MIP: variants seen among roughly 807,000 people sequenced by gnomAD.
MIP encodes the protein lens fiber major intrinsic protein.
A neutral mutation model predicts 21.8 loss-of-function variants in MIP; 14 were observed. The observed-to-expected ratio is 0.64, with a 90% CI of 0.42 to 1.00. MIP has a LOEUF of 1.00. Among genes scored for constraint, MIP ranks in the 50% least tolerant of loss-of-function variants. The pLI is 0.00. For missense variants in MIP, 260 were observed against 333.5 expected (o/e 0.78, Z 1.72); for synonymous variants, 133 against 141.4 (o/e 0.94, Z 0.42).
Position 56,449,593 on chromosome 12 carries a change from A to G in MIP, c.*1687T>C, listed in dbSNP as rs1565692689. ...ATTATAGTAGAATCAAAGTCCGATT[A>G]GAGGTGAATTTACAAACATTCTTCC... On this transcript the variant is annotated 3_prime_UTR_variant, in exon 4 of 4. Coordinates refer to ENST00000652304, the MANE Select transcript of MIP (RefSeq NM_012064.4). 6.6e-6 allele frequency: 1 copy of G among 152,296 alleles called. No homozygotes were observed. The highest frequency in any genetic ancestry group is 2.4e-5 in the African/African-American group (1 of 41,476). 9.4% of individuals were successfully genotyped at this position (152,296 alleles called of 1,614,324 possible).
chr12:56,456,178 C>T (rs1169724640), upstream of MIP, among the ~76,000 whole-genome samples: 1 of 152,182 alleles, frequency 6.6e-6, no homozygotes, highest in East Asian at 1.9e-4. Flanking sequence ...CCCAGTAATG[C>T]TCCCAGATCC....
At chr12:56,453,290 C>T (rs1279311640) in intron 2 of MIP, 138 bp from the exon 3 acceptor site, 7 of 762,450 alleles carry the variant, frequency 9.2e-6, no homozygotes, top group Non-Finnish European at 1.6e-5. Context: ...GCATGACTCT[C>T]CAGGGGTTCC....
intron 3 of MIP, among the ~76,000 whole-genome samples, chr12:56,451,798 C>T (rs182339074): frequency 3.3e-5 from 5 of 152,146 alleles, no homozygotes; most frequent in East Asian, 3.9e-4. Flanking sequence ...GAGGCTGAGA[C>T]GGGCGGATCA....
rs1458039649 is a variant in MIP at position 56,453,642 on chromosome 12, G to T, written c.474C>A (p.Gly158=). ...AGAAGCCAACGGCCAGGGCCACGGA[G>T]CCCAGTTGGCCATTCCGCCTCTCGT... is the stretch of plus-strand genomic sequence containing the variant. ...TYDERRNGQL[G]SVALAVGFSL... is the part of the protein sequence containing the mutation. Residue 158 remains glycine, a synonymous_variant, in exon 2 of 4, where the codon GGC becomes GGA. Transcript: ENST00000652304. 7 of 1,614,256 alleles carry T rather than the reference G, an allele frequency of 4.3e-6. No homozygotes were observed. The highest frequency in any genetic ancestry group is 5.9e-6 in the Non-Finnish European group (7 of 1,180,052).
In MIP at chr12:56,453,723, G is replaced by A. The variant is rs1395845125; in HGVS notation, c.393C>T (p.Thr131=). 1 of 1,614,148 alleles carries A rather than the reference G, an allele frequency of 6.2e-7. No homozygotes were observed. The highest frequency in any genetic ancestry group is 1.1e-5 in the South Asian group (1 of 91,076). ...GGAGCGTCAGGAAGATCTCCACTGTGGTTGCCTGGCCCACGCTCACCGCAG... is the reference window on the plus strand; with the variant it reads ...GGAGCGTCAGGAAGATCTCCACTGTAGTTGCCTGGCCCACGCTCACCGCAG... The part of the protein sequence containing the change: ...LHPAVSVGQA[T]TVEIFLTLQF... The change falls in exon 2 of 4, where the codon ACC becomes ACT. Residue 131 remains threonine, a synonymous_variant. Coordinates refer to ENST00000652304, the MANE Select transcript of MIP (RefSeq NM_012064.4).
upstream of MIP, among the ~76,000 whole-genome samples, chr12:56,454,818 C>A (rs1225225054): frequency 1.3e-5 from 2 of 152,086 alleles, no homozygotes; most frequent in Admixed American, 6.5e-5. Context: ...CCTTTCTCAA[C>A]TGGGAGATGA....
chr12:56,454,210 A>G (rs1868718789), intron 1 of MIP, 44 bp downstream of exon 1: 2 of 1,613,590 alleles, frequency 1.2e-6, no homozygotes, highest in East Asian at 2.2e-5. Flanking sequence ...GGCAATAGAG[A>G]GACAGGACAC....
chr12:56,454,336 T>C lies in MIP; in HGVS notation c.278A>G (p.Gln93Arg). Reference sequence around the variant, plus strand: ...GGCCCCAGCCACAGCTCCCAGGAGCTGGGCTGCCATATAGCAGAAGGCACG... The same window carrying C: ...GGCCCCAGCCACAGCTCCCAGGAGCCGGGCTGCCATATAGCAGAAGGCACG... Reference protein sequence around the residue: ...LLRAFCYMAAQLLGAVAGAAV... With the variant: ...LLRAFCYMAARLLGAVAGAAV... Residue 93 changes from glutamine (Q) to arginine (R), a missense_variant, in exon 1 of 4, where the codon CAG (glutamine) becomes CGG (arginine). Coordinates refer to ENST00000652304, the MANE Select transcript of MIP (RefSeq NM_012064.4). The C allele has an allele frequency of 6.2e-7, 1 of 1,613,526 alleles. No individual in the cohort carries two copies. The highest frequency in any genetic ancestry group is 8.5e-7 in the Non-Finnish European group (1 of 1,179,936).
chr12:56,453,548 C>T, intron 2 of MIP, 43 bp downstream of exon 2: 1 of 1,612,564 alleles, frequency 6.2e-7, no homozygotes. Context: ...GGTTTAGGGG[C>T]CCCGGAATCC....
In MIP at chr12:56,454,390, A is replaced by G. The variant is rs1868728915; in HGVS notation, c.224T>C (p.Phe75Ser). ...AHVNPAVTFA[F>S]LVGSQMSLLR... ...CAGGGACATCTGGGAGCCCACAAGG[A>G]AAGCAAAAGTGACTGCAGGATTGAC... is the stretch of plus-strand genomic sequence containing the variant. Residue 75 changes from phenylalanine to serine, a missense_variant, in exon 1 of 4, where the codon TTC becomes TCC. By Grantham distance (155) the Phe-to-Ser change is radical. Coordinates refer to ENST00000652304, the MANE Select transcript of MIP (RefSeq NM_012064.4). 1.2e-6 allele frequency: 2 copies of G among 1,614,032 alleles called. No individual in the cohort carries two copies. The highest frequency in any genetic ancestry group is 1.7e-6 in the Non-Finnish European group (2 of 1,180,042).
chr12:56,454,980 A>G (rs1193945134), upstream of MIP, among the ~76,000 whole-genome samples: 2 of 152,032 alleles, frequency 1.3e-5, no homozygotes, highest in Non-Finnish European at 2.9e-5. Flanking sequence ...CAACATTAGA[A>G]TACTCTTCAG....
intron 3 of MIP, 70 bp from the exon 4 acceptor site, chr12:56,451,535 C>G: frequency 1.5e-6 from 2 of 1,344,692 alleles, no homozygotes; most frequent in Non-Finnish European, 2.1e-6. Flanking sequence ...CTTTTTCCAG[C>G]CACCTTAGTG....
intron 3 of MIP, among the ~76,000 whole-genome samples, chr12:56,452,279 G>A (rs188801238): frequency 1.3e-5 from 2 of 152,184 alleles, no homozygotes; most frequent in East Asian, 1.9e-4. Context: ...TAATCATACA[G>A]TATTTGTCTT....
At position 56,450,187 on chromosome 12, in the gene MIP, TACAC is replaced by T. The variant is rs1433606506; in HGVS notation, c.*1089_*1092del. On this transcript the variant is annotated 3_prime_UTR_variant, in exon 4 of 4. Transcript: ENST00000652304. Reference sequence around the variant, plus strand: ...AGGACGGATGACAGAGAAATGAAAATACACAGACACAAAACAAGAAAAAAAACAC... The same window carrying T: ...AGGACGGATGACAGAGAAATGAAAATAGACACAAAACAAGAAAAAAAACAC... 4 of 151,768 alleles carry T rather than the reference TACAC, an allele frequency of 2.6e-5. No individual in the cohort carries two copies. The highest frequency in any genetic ancestry group is 4.4e-5 in the Non-Finnish European group (3 of 67,968). 9.4% of individuals were successfully genotyped at this position (151,768 alleles called of 1,614,324 possible).
chr12:56,451,521 T>C lies in MIP; in HGVS notation c.607-56A>G, dbSNP rs190068574. On this transcript the variant is annotated intron_variant, in intron 3 of 3. Coordinates refer to ENST00000652304, the MANE Select transcript of MIP (RefSeq NM_012064.4). ...TGGGGAGGGGACAGAGTAGCAACGC[T>C]GCTCTTTTTCCAGCCACCTTAGTGG... 4.1e-6 allele frequency: 6 copies of C among 1,463,234 alleles called. No homozygotes were observed. In the East Asian group the frequency reaches 1.4e-4, roughly 33 times the overall value. 90.6% of individuals were successfully genotyped at this position (1,463,234 alleles called of 1,614,324 possible).
At chr12:56,453,783 G>A (rs1433311989) in intron 1 of MIP, 28 bp from the exon 2 acceptor site, 1 of 1,602,730 alleles carries the variant, frequency 6.2e-7, no homozygotes, top group Non-Finnish European at 8.5e-7. Context: ...AAGAGAGACA[G>A]CTCAGGAGGG....
chr12:56,452,165 C>G (rs1356511051), intron 3 of MIP, among the ~76,000 whole-genome samples: 1 of 152,118 alleles, frequency 6.6e-6, no homozygotes, highest in East Asian at 1.9e-4. Context: ...AACTCTATAC[C>G]CATTAAACAA....
intron 3 of MIP, chr12:56,452,827 C>A (rs564975102): frequency 3.6e-6 from 2 of 552,238 alleles, no homozygotes; most frequent in African/African-American, 3.8e-5. Context: ...GTTCAGCAAC[C>A]AGTGAATACT....
intron 1 of MIP, 151 bp downstream of exon 1, chr12:56,454,103 G>C: frequency 8.6e-7 from 1 of 1,156,178 alleles, no homozygotes; most frequent in Non-Finnish European, 1.3e-6. Flanking sequence ...TAAACCACCT[G>C]TCAATCCTCA....
Sources: allele counts gnomAD v4.1 joint callset (sites outside exome capture counted in the v4.1 genomes callset), GRCh38; gene constraint gnomAD v4.1.1; transcripts MANE v1.5; gene names NCBI Gene and HGNC (gene_info 2026-07-23, HGNC 2026-07-21).